TLR1: variants seen among roughly 807,000 people sequenced by gnomAD.
The protein encoded by TLR1 is toll like receptor 1.
TLR1 carries 19 observed loss-of-function variants against 20.2 expected under a neutral mutation model. That is an observed-to-expected ratio of 0.94 (90% CI 0.66 to 1.38). TLR1 has a LOEUF of 1.38. TLR1 is among the 40% of genes most tolerant of loss of function. The probability of loss-of-function intolerance (pLI) is 0.00; values close to 1 mark genes in which losing one functional copy is unlikely to be tolerated. For synonymous variants in TLR1, 320 were observed against 334.5 expected (o/e 0.96, Z 0.47); for missense variants, 921 against 910.0 (o/e 1.01, Z -0.16).
At chr4:38,787,955 T>TC, downstream of TLR1, among the ~76,000 whole-genome samples, 1 of 152,118 alleles carries the variant, frequency 6.6e-6, no homozygotes, top group Non-Finnish European at 1.5e-5. Flanking sequence ...CGCTCCCACT[T>TC]CCCCTCTCAA....
chr4:38,797,663 A>G lies in TLR1; in HGVS notation c.1169T>C (p.Ile390Thr). 2 of 1,613,884 alleles carry G rather than the reference A, an allele frequency of 1.2e-6. No individual in the cohort carries two copies. Among genetic ancestry groups the G allele is most frequent in the Non-Finnish European group, 1.7e-6 (2 of 1,179,960 alleles). Reference protein sequence around the residue: ...QMNQLKELSKIAEMTTQMKSL... With the variant: ...QMNQLKELSKTAEMTTQMKSL... The stretch of plus-strand genomic sequence containing the variant: ...CTTCATCTGTGTAGTCATTTCAGCT[A>G]TTTTTGAAAGTTCTTTTAATTGATT... The change falls in exon 4 of 4, where the codon ATA (isoleucine) becomes ACA (threonine). Residue 390 changes from isoleucine (I) to threonine (T), a missense_variant. By Grantham distance (89) the Ile-to-Thr change is moderately conservative. Transcript: ENST00000308979.
Position 38,798,523 on chromosome 4 carries a change from G to A in TLR1, c.309C>T (p.Asn103=), listed in dbSNP as rs1286090489. 1.2e-6 allele frequency: 2 copies of A among 1,614,138 alleles called. No individual in the cohort carries two copies. Among genetic ancestry groups the A allele is most frequent in the Non-Finnish European group, 1.7e-6 (2 of 1,180,014 alleles). The change falls in exon 4 of 4, where the codon AAC becomes AAT. Residue 103 remains asparagine, a synonymous_variant. Transcript: ENST00000308979. ...QELEYLDLSH[N]KLVKISCHPT... is the part of the protein sequence containing the mutation. ...GGTGGCAAGAAATCTTCACCAACTT[G>A]TTGTGGGACAAATCCAAGTATTCCA...
downstream of TLR1, among the ~76,000 whole-genome samples, chr4:38,788,343 G>A (rs529836258): frequency 7.2e-5 from 11 of 152,278 alleles, no homozygotes; most frequent in South Asian, 2.1e-3. Context: ...GACAAAAAGA[G>A]GAAAGCCTGG....
chr4:38,792,243 A>G (rs538469566), downstream of TLR1, among the ~76,000 whole-genome samples: 4 of 152,058 alleles, frequency 2.6e-5, no homozygotes, highest in Admixed American at 6.5e-5. Context: ...TTTATTCTCT[A>G]TTGTTCCACT....
intron 3 of TLR1, 105 bp from the exon 4 acceptor site, chr4:38,799,003 A>T (rs987924316): frequency 1.3e-5 from 7 of 553,902 alleles, no homozygotes; most frequent in Non-Finnish European, 2.2e-5. Flanking sequence ...AGACTTATAA[A>T]GTGGAGGCTA....
At position 38,797,236 on chromosome 4, in the gene TLR1, T is replaced by C. The variant is rs764860555; in HGVS notation, c.1596A>G (p.Leu532=). 3 of 1,614,250 alleles carry C rather than the reference T, an allele frequency of 1.9e-6. No individual in the cohort carries two copies. The highest frequency in any genetic ancestry group is 1.1e-5 in the South Asian group (1 of 91,086). ...GDNPFQCTCE[L]GEFVKNIDQV... Reference sequence around the variant, plus strand: ...GGTCTATATTTTTGACAAATTCTCCTAGCTCACAGGTACATTGGAATGGAT... The same window carrying C: ...GGTCTATATTTTTGACAAATTCTCCCAGCTCACAGGTACATTGGAATGGAT... Residue 532 remains leucine (L), a synonymous_variant, in exon 4 of 4, where the codon CTA becomes CTG. Coordinates refer to ENST00000308979, the MANE Select transcript of TLR1 (RefSeq NM_003263.4).
In TLR1 at chr4:38,797,852, T is replaced by A. The variant is rs1423297623; in HGVS notation, c.980A>T (p.Asn327Ile). ...SYIYEIFSNMNIKNFTVSGTR... is the reference protein window; with the variant it reads ...SYIYEIFSNMIIKNFTVSGTR... Reference sequence around the variant, plus strand: ...ACCAGACACTGTGAAATTTTTGATGTTCATATTCGAAAAGATTTCATAGAT... The same window carrying A: ...ACCAGACACTGTGAAATTTTTGATGATCATATTCGAAAAGATTTCATAGAT... The change falls in exon 4 of 4, where the codon AAC becomes ATC. Residue 327 changes from asparagine (N) to isoleucine (I), a missense_variant. Asn to Ile is a moderately radical substitution (Grantham distance 149). Coordinates refer to ENST00000308979, the MANE Select transcript of TLR1 (RefSeq NM_003263.4). 1.2e-6 allele frequency: 2 copies of A among 1,614,052 alleles called. No homozygotes were observed. The highest frequency in any genetic ancestry group is 8.5e-7 in the Non-Finnish European group (1 of 1,179,882).
rs786201033 is a variant in TLR1 at position 38,798,034 on chromosome 4, C to G, written c.798G>C (p.Gln266His). 2 of 1,614,086 alleles carry G rather than the reference C, an allele frequency of 1.2e-6. No individual in the cohort carries two copies. Among genetic ancestry groups the G allele is most frequent in the Non-Finnish European group, 1.7e-6 (2 of 1,179,972 alleles). The change falls in exon 4 of 4, where the codon CAG (glutamine) becomes CAC (histidine). Residue 266 changes from glutamine (Q) to histidine (H), a missense_variant. By Grantham distance (24) the Gln-to-His change is conservative. Coordinates refer to ENST00000308979, the MANE Select transcript of TLR1 (RefSeq NM_003263.4). ...ACCATACAGTTGTATGCCAAACCAG[C>G]TGGAGGATCCTAATGAAAGAATTCC... The part of the protein sequence containing the change: ...TTWNSFIRIL[Q>H]LVWHTTVWYF...
Position 38,800,960 on chromosome 4 carries a change from A to G in TLR1, c.-159-12T>C, listed in dbSNP as rs975051978. 1.4e-4 allele frequency: 22 copies of G among 152,758 alleles called. No homozygotes were observed. Among genetic ancestry groups the G allele is most frequent in the African/African-American group, 5.1e-4 (21 of 41,568 alleles). 9.5% of individuals were successfully genotyped at this position (152,758 alleles called of 1,614,324 possible). The stretch of plus-strand genomic sequence containing the variant: ...TGTTCATGAAGACCCTGAGCAAGGA[A>G]GATGATGCAGACATTAATGTTCATG... On this transcript the variant is annotated splice_polypyrimidine_tract_variant and intron_variant, in intron 2 of 3. Transcript: ENST00000308979.
chr4:38,804,867 G>A (rs767970565), upstream of TLR1: 1 of 152,102 alleles, frequency 6.6e-6, no homozygotes, highest in Non-Finnish European at 1.5e-5. Context: ...AAAACAAAAA[G>A]GCTGTTTTAT....
chr4:38,788,851 T>C (rs928296419), downstream of TLR1, among the ~76,000 whole-genome samples: 1 of 151,916 alleles, frequency 6.6e-6, no homozygotes, highest in African/African-American at 2.4e-5. Context: ...TACAAAAAAA[T>C]TTTTAAATGA....
chr4:38,797,882 C>T lies in TLR1; in HGVS notation c.950G>A (p.Ser317Asn), dbSNP rs558468805. Residue 317 changes from serine to asparagine, a missense_variant, in exon 4 of 4, where the codon AGT (serine) becomes AAT (asparagine). Physicochemically the swap from Ser to Asn is conservative, Grantham distance 46 (BLOSUM62 1). Transcript: ENST00000308979. ...ATTCGAAAAGATTTCATAGATATAACTTTGCGGAAAACCGAACACATCGCT... is the reference window on the plus strand; with the variant it reads ...ATTCGAAAAGATTTCATAGATATAATTTTGCGGAAAACCGAACACATCGCT... ...VVSDVFGFPQSYIYEIFSNMN... is the reference protein window; with the variant it reads ...VVSDVFGFPQNYIYEIFSNMN... 1.1e-5 allele frequency: 18 copies of T among 1,614,056 alleles called. 1 individual carries two copies. The South Asian group carries it at 1.6e-4, about 15-fold the overall frequency.
rs762443795 is a variant in TLR1 at position 38,798,358 on chromosome 4, T to C, written c.474A>G (p.Pro158=). 6 of 1,613,966 alleles carry C rather than the reference T, an allele frequency of 3.7e-6. No homozygotes were observed. The East Asian group carries it at 6.7e-5, about 18-fold the overall frequency. Residue 158 remains proline (P), a synonymous_variant, in exon 4 of 4, where the codon CCA becomes CCG. Transcript: ENST00000308979. ...CCTTGCTGATATTCAAATGAGCAAT[T>C]GGCAGCACACTAGATTTTTCTAAGT... ...TTHLEKSSVL[P]IAHLNISKVL...
chr4:38,804,930 T>C (rs2065056209), upstream of TLR1: 1 of 152,266 alleles, frequency 6.6e-6, no homozygotes, highest in Non-Finnish European at 1.5e-5. Flanking sequence ...AATAAACTTA[T>C]TTTCTCTTAT....
Position 38,798,186 on chromosome 4 carries a change from G to T in TLR1, c.646C>A (p.Leu216Met), listed in dbSNP as rs1295448455. The change falls in exon 4 of 4, where the codon CTG (leucine) becomes ATG (methionine). Residue 216 changes from leucine (L) to methionine (M), a missense_variant. By Grantham distance (15) the Leu-to-Met change is conservative. Transcript: ENST00000308979. ...ACACATTTGATATTAGATAGTTCCA[G>T]ATTTGCTACAGTCTTGACTGACACA... ...LDVSVKTVANLELSNIKCVLE... is the reference protein window; with the variant it reads ...LDVSVKTVANMELSNIKCVLE... 12 of 1,614,032 alleles carry T rather than the reference G, an allele frequency of 7.4e-6. No individual in the cohort carries two copies. Among genetic ancestry groups the T allele is most frequent in the Admixed American group, 3.3e-5 (2 of 60,004 alleles).
rs375406105 is a variant in TLR1, at chr4:38,797,512, G to A, written c.1320C>T (p.Phe440=). 6.2e-6 allele frequency: 10 copies of A among 1,614,014 alleles called. No homozygotes were observed. Among genetic ancestry groups the A allele is most frequent in the African/African-American group, 1.3e-5 (1 of 74,912 alleles). The change falls in exon 4 of 4, where the codon TTC becomes TTT. Residue 440 remains phenylalanine (F), a synonymous_variant. Coordinates refer to ENST00000308979, the MANE Select transcript of TLR1 (RefSeq NM_003263.4). The part of the protein sequence containing the change: ...MSSNILTDTI[F]RCLPPRIKVL... ...CCTTGATCCTGGGAGGTAAACATCT[G>A]AAAATAGTGTCAGTAAGTATATTTG...
rs200212492 is a variant in TLR1, at chr4:38,798,531, A to G, written c.301T>C (p.Ser101Pro). Residue 101 changes from serine to proline, a missense_variant, in exon 4 of 4, where the codon TCC (serine) becomes CCC (proline). Coordinates refer to ENST00000308979, the MANE Select transcript of TLR1 (RefSeq NM_003263.4). The part of the protein sequence containing the change: ...FNQELEYLDL[S>P]HNKLVKISCH... ...GAAATCTTCACCAACTTGTTGTGGG[A>G]CAAATCCAAGTATTCCAATTCCTGG... The G allele has an allele frequency of 7.6e-5, 123 of 1,614,194 alleles. No individual in the cohort carries two copies. The East Asian group carries it at 2.6e-3, about 34-fold the overall frequency.
In TLR1 at chr4:38,797,642, A is replaced by G. The variant is rs760043108; in HGVS notation, c.1190T>C (p.Met397Thr). ...LSKIAEMTTQ[M>T]KSLQQLDISQ... ...AATATCCAATTGTTGCAGAGACTTC[A>G]TCTGTGTAGTCATTTCAGCTATTTT... The change falls in exon 4 of 4, where the codon ATG becomes ACG. Residue 397 changes from methionine to threonine, a missense_variant. Coordinates refer to ENST00000308979, the MANE Select transcript of TLR1 (RefSeq NM_003263.4). The G allele has an allele frequency of 6.2e-7, 1 of 1,613,942 alleles. No homozygotes were observed. Among genetic ancestry groups the G allele is most frequent in the Non-Finnish European group, 8.5e-7 (1 of 1,179,986 alleles).
chr4:38,792,875 A>ATATATATATATATATATATC (rs1553901942), downstream of TLR1, among the ~76,000 whole-genome samples: 2 of 147,972 alleles, frequency 1.4e-5, no homozygotes, highest in Admixed American at 6.8e-5. Flanking sequence ...ATATATATAT[A>ATATATATATATATATATATC]TCTCCAAATT....
Sources: allele counts gnomAD v4.1 joint callset (sites outside exome capture counted in the v4.1 genomes callset), GRCh38; gene constraint gnomAD v4.1.1; transcripts MANE v1.5; gene names NCBI Gene and HGNC (gene_info 2026-07-23, HGNC 2026-07-21).